LTBP1: variants seen among roughly 807,000 people sequenced by gnomAD.
The protein encoded by LTBP1 is latent transforming growth factor beta binding protein 1, also known as latent-transforming growth factor beta-binding protein 1.
In LTBP1, 129 loss-of-function variants were observed where a neutral mutation model predicts 207.6. The ratio of observed to expected loss-of-function variants is 0.62; its 90% confidence interval spans 0.54 to 0.72. LTBP1 has a LOEUF of 0.72. LTBP1 is among the 30% of genes least tolerant of loss of function. The pLI is 0.00. For missense variants in LTBP1, 2,281 were observed against 2,217.2 expected, an observed-to-expected ratio of 1.03 and a Z score of -0.58; for synonymous variants, 963 against 833.7, an observed-to-expected ratio of 1.16 and a Z score of -2.67.
chr2:33,088,733 C>T (rs753532856), intron 3 of LTBP1, among the ~76,000 whole-genome samples: 3 of 152,076 alleles, frequency 2.0e-5, no homozygotes, highest in Non-Finnish European at 4.4e-5. Context: ...GAATGTAGAT[C>T]TTTATTAGTG....
At chr2:32,978,774 G>A (rs1228765576) in intron 2 of LTBP1, among the ~76,000 whole-genome samples, 1 of 151,386 alleles carries the variant, frequency 6.6e-6, no homozygotes. Flanking sequence ...AATAGTTTGA[G>A]TAGGATTGGT....
At chr2:33,347,271 T>C in intron 25 of LTBP1, 96 bp from the exon 26 acceptor site, 1 of 1,447,200 alleles carries the variant, frequency 6.9e-7, no homozygotes, top group East Asian at 2.3e-5. Context: ...TCGCCTTCTT[T>C]TCAGCAAGAC....
chr2:33,287,597 C>T (rs1171430584), intron 19 of LTBP1, among the ~76,000 whole-genome samples: 1 of 152,148 alleles, frequency 6.6e-6, no homozygotes, highest in Non-Finnish European at 1.5e-5. Flanking sequence ...TAAAATGCTC[C>T]TTTGGAAAGG....
At chr2:32,964,467 AT>A (rs892275519) in intron 2 of LTBP1, among the ~76,000 whole-genome samples, 1 of 152,158 alleles carries the variant, frequency 6.6e-6, no homozygotes, top group African/African-American at 2.4e-5. Context: ...GTAGAAAGGC[AT>A]TTTTTCCCCA....
chr2:33,160,071 G>C (rs1198585137), intron 5 of LTBP1, among the ~76,000 whole-genome samples: 1 of 152,036 alleles, frequency 6.6e-6, no homozygotes, highest in African/African-American at 2.4e-5. Flanking sequence ...TAGAGATGGG[G>C]TTTCACCGAG....
chr2:33,033,662 G>A (rs910024147), intron 3 of LTBP1, among the ~76,000 whole-genome samples: 2 of 150,694 alleles, frequency 1.3e-5, no homozygotes, highest in African/African-American at 4.9e-5. Context: ...ACAGCAATCT[G>A]AAAGCTAACT....
intron 3 of LTBP1, among the ~76,000 whole-genome samples, chr2:33,037,727 TA>T: frequency 6.6e-6 from 1 of 152,214 alleles, no homozygotes; most frequent in East Asian, 1.9e-4. Context: ...TTATTTTATT[TA>T]TTTTTTTGAG....
At chr2:33,000,861 G>A (rs1197207307) in intron 2 of LTBP1, among the ~76,000 whole-genome samples, 1 of 134,380 alleles carries the variant, frequency 7.4e-6, no homozygotes, top group African/African-American at 2.6e-5. Flanking sequence ...GACAGGAGGG[G>A]GGGTTCAAAC....
At chr2:32,967,918 T>A (rs1270144076) in intron 2 of LTBP1, among the ~76,000 whole-genome samples, 2 of 152,232 alleles carry the variant, frequency 1.3e-5, no homozygotes, top group East Asian at 1.9e-4. Flanking sequence ...AAAGGAGTAT[T>A]GAAGTATCCA....
At chr2:33,099,806 G>A (rs1276576155) in intron 3 of LTBP1, among the ~76,000 whole-genome samples, 4 of 152,142 alleles carry the variant, frequency 2.6e-5, no homozygotes, top group South Asian at 4.1e-4. Flanking sequence ...GCCTCTCATA[G>A]TGCTTTAGTG....
chr2:33,336,312 C>G (rs1192252919), intron 24 of LTBP1, among the ~76,000 whole-genome samples: 2 of 152,168 alleles, frequency 1.3e-5, no homozygotes, highest in African/African-American at 2.4e-5. Context: ...TAACTATCAT[C>G]ATGGTGACAG....
At chr2:33,126,612 T>C (rs1295470381) in intron 4 of LTBP1, among the ~76,000 whole-genome samples, 1 of 152,200 alleles carries the variant, frequency 6.6e-6, no homozygotes, top group South Asian at 2.1e-4. Flanking sequence ...ACATCAGTAA[T>C]TTTTTTATTG....
At chr2:33,047,093 T>G (rs550626231) in intron 3 of LTBP1, among the ~76,000 whole-genome samples, 15 of 152,184 alleles carry the variant, frequency 9.9e-5, no homozygotes, top group Admixed American at 8.5e-4. Flanking sequence ...TTTGAAGGGT[T>G]TTTTGTGTCT....
intron 5 of LTBP1, among the ~76,000 whole-genome samples, chr2:33,141,286 G>A (rs909357910): frequency 1.1e-4 from 16 of 152,294 alleles, no homozygotes; most frequent in African/African-American, 3.6e-4. Flanking sequence ...GGGGTCACCC[G>A]GGTGGAATGG....
chr2:33,090,811 G>A (rs1457410037), intron 3 of LTBP1, among the ~76,000 whole-genome samples: 6 of 152,146 alleles, frequency 3.9e-5, no homozygotes, highest in East Asian at 1.9e-4. Flanking sequence ...ATAACTCAAC[G>A]CCATTTCATA....
rs2094649979 is a variant in LTBP1, at chr2:33,343,049, T to G, written c.3856+86T>G. On this transcript the variant is annotated intron_variant, in intron 25 of 33. Transcript: ENST00000404816. ...TGAACAACAGGAGCTTTTAAGCAGG[T>G]AATTTGGGTAGAGCTTTATCGTAAT... The G allele has an allele frequency of 5.0e-6, 7 of 1,401,892 alleles. No homozygotes were observed. In the East Asian group the frequency reaches 1.4e-4, roughly 28 times the overall value. 86.8% of individuals were successfully genotyped at this position (1,401,892 alleles called of 1,614,324 possible). A position where few individuals can be genotyped will look rare whatever the true frequency, so the allele number is the denominator to read the frequency against.
At chr2:33,320,820 C>T (rs1478294446) in intron 24 of LTBP1, among the ~76,000 whole-genome samples, 4 of 152,130 alleles carry the variant, frequency 2.6e-5, no homozygotes, top group Admixed American at 2.0e-4. Flanking sequence ...CAGTCTGGTG[C>T]AGGAGACTGG....
chr2:33,373,915 A>G (rs1269369337), intron 31 of LTBP1, among the ~76,000 whole-genome samples: 5 of 152,210 alleles, frequency 3.3e-5, no homozygotes, highest in Admixed American at 2.0e-4. Flanking sequence ...AAATTTTTCA[A>G]TCCTTCCTAA....
intron 22 of LTBP1, among the ~76,000 whole-genome samples, chr2:33,302,992 CACAA>C (rs1198180329): frequency 2.6e-5 from 4 of 151,494 alleles, no homozygotes; most frequent in Non-Finnish European, 5.9e-5. Flanking sequence ...CACAAACACA[CACAA>C]ACACACGCAC....
Sources: gnomAD v4.1 joint callset for allele counts (sites outside exome capture counted in the v4.1 genomes callset) on GRCh38, gnomAD v4.1.1 for gene constraint, MANE v1.5 for transcripts, NCBI Gene and HGNC (gene_info 2026-07-23, HGNC 2026-07-21) for gene names.